SOD2: variants seen among roughly 807,000 people sequenced by gnomAD.
SOD2 encodes the protein superoxide dismutase [Mn], mitochondrial.
SOD2 carries 11 observed loss-of-function variants against 27.0 expected under a neutral mutation model. That is an observed-to-expected ratio of 0.41 (90% CI 0.26 to 0.67). The LOEUF (loss-of-function observed/expected upper bound fraction) is 0.67, where lower values mean the gene tolerates loss of function less well. Among genes scored for constraint, SOD2 ranks in the 30% least tolerant of loss-of-function variants. The pLI is 0.34. For missense variants in SOD2, 250 were observed against 274.5 expected (o/e 0.91, Z 0.63); for synonymous variants, 105 against 103.0 (o/e 1.02, Z -0.12).
chr6:159,727,486 G>C (rs182631265), upstream of SOD2: 4,159 of 993,178 alleles, frequency 4.2e-3, 166 homozygotes, highest in African/African-American at 0.067. Flanking sequence ...GGGCGGGGCC[G>C]GGCGGCGGGG....
intron 1 of SOD2, chr6:159,725,799 A>G (rs956656100): frequency 6.6e-6 from 1 of 152,050 alleles, no homozygotes; most frequent in African/African-American, 2.4e-5. Context: ...GTAAATACAT[A>G]AAAGCATATA....
chr6:159,748,414 A>T (rs1433944448), upstream of SOD2: 1 of 1,603,670 alleles, frequency 6.2e-7, no homozygotes, highest in East Asian at 2.2e-5. The surrounding 1 kb of genome is among the most constrained non-coding windows in gnomAD (Gnocchi z 5.6). Context: ...TGACAGTCCC[A>T]CTACGAGAAA....
intron 1 of SOD2, chr6:159,713,443 TAGA>T (rs1024023104): frequency 1.1e-5 from 7 of 651,602 alleles, no homozygotes; most frequent in South Asian, 1.8e-5. Context: ...TTGGCTATTC[TAGA>T]AGATTTCAAT....
chr6:159,719,728 TTTC>T (rs1423129320), intron 1 of SOD2, among the ~76,000 whole-genome samples: 2 of 62,232 alleles, frequency 3.2e-5, no homozygotes, highest in Non-Finnish European at 7.5e-5. Context: ...TTTCTTTTAT[TTTC>T]TTTTTTTTTT....
chr6:159,738,205 TTCA>T (rs1225370144), intron 1 of SOD2, among the ~76,000 whole-genome samples: 2 of 152,228 alleles, frequency 1.3e-5, no homozygotes, highest in Non-Finnish European at 1.5e-5. Flanking sequence ...ACCATAAAGC[TTCA>T]TCGAGTTATT....
At chr6:159,696,300 C>T (rs1011491605), upstream of SOD2, among the ~76,000 whole-genome samples, 1 of 152,152 alleles carries the variant, frequency 6.6e-6, no homozygotes, top group African/African-American at 2.4e-5. Flanking sequence ...GTCTGGGCTC[C>T]CACTGTCTCC....
In SOD2 at chr6:159,734,661, A is replaced by G. The variant is rs573553889; in HGVS notation, c.-116+10469T>C. Among the ~76,000 whole-genome samples the G allele has an allele frequency of 3.9e-5, 6 of 152,320 alleles. No homozygotes were observed. The South Asian group carries it at 1.2e-3, about 32-fold the overall frequency. On this transcript the variant is annotated intron_variant, in intron 1 of 3. Coordinates refer to the SOD2 transcript ENST00000537657. ...CCCCATCTCTTAAGAAAGAAAGAAT[A>G]GGAAAAACTAAATTAGTATAAGAAC...
At chr6:159,743,867 T>G in intron 1 of SOD2, 1 of 1,420,608 alleles carries the variant, frequency 7.0e-7, no homozygotes, top group Non-Finnish European at 9.4e-7. Flanking sequence ...ATGTTAATTT[T>G]AAACATTTAA....
At chr6:159,740,180 CT>C (rs922972298) in intron 1 of SOD2, among the ~76,000 whole-genome samples, 1 of 151,758 alleles carries the variant, frequency 6.6e-6, no homozygotes, top group African/African-American at 2.4e-5. Context: ...GCATTGTATA[CT>C]TTTTTTAATG....
rs145366839 is a variant in SOD2 at position 159,753,313 on chromosome 6, G to A, written c.-335-4637C>T. ...ATACTGAAATGCAGAAGATGGATGTGTCCCAGAAAAGAAGATGGTAATTAT... is the reference window on the plus strand; with the variant it reads ...ATACTGAAATGCAGAAGATGGATGTATCCCAGAAAAGAAGATGGTAATTAT... On this transcript the variant is annotated intron_variant, in intron 1 of 7. Transcript: ENST00000546087. The A allele has an allele frequency of 2.8e-5, 32 of 1,160,198 alleles. No individual in the cohort carries two copies. In the East Asian group the frequency reaches 7.4e-4, roughly 27 times the overall value. The allele number at this position is 1,160,198 out of a possible 1,614,324, so 71.9% of individuals were successfully genotyped here.
At chr6:159,743,862 A>C (rs1402551498) in intron 1 of SOD2, 3 of 1,432,068 alleles carry the variant, frequency 2.1e-6, no homozygotes, top group African/African-American at 1.4e-5. Context: ...ATTACATGTT[A>C]ATTTTAAACA....
rs561797695 is a variant in SOD2, at chr6:159,759,498, C to T, written c.-336+1539G>A. Among the ~76,000 whole-genome samples, 65 of 151,504 alleles carry T rather than the reference C, an allele frequency of 4.3e-4. 1 individual carries two copies. Among genetic ancestry groups the T allele is most frequent in the South Asian group, 1.0e-3 (5 of 4,798 alleles). ...CAGCCTGACTAACATGGTGAAACCC[C>T]GTCTTTACTAAAAATATAAAAATTA... is the stretch of plus-strand genomic sequence containing the variant. On this transcript the variant is annotated intron_variant, in intron 1 of 7. Transcript: ENST00000546087.
chr6:159,705,083 A>C (rs1777597208), intron 1 of SOD2, among the ~76,000 whole-genome samples: 1 of 152,206 alleles, frequency 6.6e-6, no homozygotes, highest in Admixed American at 6.5e-5. Flanking sequence ...AAGAAAACCA[A>C]CAAACAGAAA....
At chr6:159,729,272 A>G (rs1778418887), upstream of SOD2, among the ~76,000 whole-genome samples, 1 of 152,222 alleles carries the variant, frequency 6.6e-6, no homozygotes, top group Non-Finnish European at 1.5e-5. Context: ...CCTTCAGCAA[A>G]AGAAGACTGA....
At chr6:159,723,773 TTTTTTC>T (rs1778086267) in intron 1 of SOD2, among the ~76,000 whole-genome samples, 1 of 152,218 alleles carries the variant, frequency 6.6e-6, no homozygotes, top group African/African-American at 2.4e-5. Context: ...GTTGAAACTT[TTTTTTC>T]TTTTTGATAG....
Position 159,681,667 on chromosome 6 carries a change from T to C in SOD2, c.*826A>G, listed in dbSNP as rs1390580598. 1 of 152,212 alleles carries C rather than the reference T, an allele frequency of 6.6e-6. No homozygotes were observed. Among genetic ancestry groups the C allele is most frequent in the Admixed American group, 6.5e-5 (1 of 15,278 alleles). 9.4% of individuals were successfully genotyped at this position (152,212 alleles called of 1,614,324 possible). ...CATGTAGTGATTTACAATTTTGGTA[T>C]ACAGCCATACCACCCTGAAGGCACC... On this transcript the variant is annotated 3_prime_UTR_variant, in exon 5 of 5. Transcript: ENST00000538183.
At chr6:159,693,942 C>T (rs1777366056), upstream of SOD2, among the ~76,000 whole-genome samples, 1 of 152,226 alleles carries the variant, frequency 6.6e-6, no homozygotes, top group Non-Finnish European at 1.5e-5. Flanking sequence ...CCACGACGTG[C>T]CCGAGACTGC....
intron 1 of SOD2, chr6:159,755,404 C>T (rs1189934011): frequency 6.2e-6 from 10 of 1,614,148 alleles, no homozygotes; most frequent in East Asian, 2.2e-5. Context: ...GTAGTGGTTA[C>T]GTAAATCAAC....
chr6:159,753,751 G>A (rs1779903012), intron 1 of SOD2: 2 of 1,118,826 alleles, frequency 1.8e-6, no homozygotes, highest in South Asian at 4.3e-5. Flanking sequence ...TGTGAGTGAA[G>A]CATTTTTAGT....
Sources: gnomAD v4.1 joint callset for allele counts (sites outside exome capture counted in the v4.1 genomes callset) on GRCh38, gnomAD v4.1.1 for gene constraint, Gnocchi (gnomAD v3.1) non-coding constraint, MANE v1.5 for transcripts, NCBI Gene and HGNC (gene_info 2026-07-23, HGNC 2026-07-21) for gene names.